Variants in UBE2H observed in about 807,000 individuals in gnomAD.
The protein encoded by UBE2H is ubiquitin conjugating enzyme E2 H.
A neutral mutation model predicts 29.0 loss-of-function variants in UBE2H; 3 were observed. The observed-to-expected ratio is 0.10, with a 90% CI of 0.05 to 0.27. UBE2H has a LOEUF of 0.27. Ranked by LOEUF, UBE2H falls within the 10% of genes least tolerant of loss-of-function variation. The probability of loss-of-function intolerance (pLI) is 1.00; values close to 1 mark genes in which losing one functional copy is unlikely to be tolerated. For synonymous variants in UBE2H, 69 were observed against 82.9 expected, an observed-to-expected ratio of 0.83 and a Z score of 0.91; for missense variants, 68 against 228.2, an observed-to-expected ratio of 0.30 and a Z score of 4.52.
At chr7:129,929,472 C>T (rs1384923782) in intron 1 of UBE2H, among the ~76,000 whole-genome samples, 1 of 152,040 alleles carries the variant, frequency 6.6e-6, no homozygotes, top group Non-Finnish European at 1.5e-5. Context: ...TTTTATGACA[C>T]ACCAAGAAAG....
intron 3 of UBE2H, among the ~76,000 whole-genome samples, chr7:129,864,635 T>C (rs1319987060): frequency 7.2e-6 from 1 of 139,026 alleles, no homozygotes; most frequent in Non-Finnish European, 1.5e-5. Flanking sequence ...CACTGCAGCC[T>C]CCACCTCACG....
chr7:129,925,475 T>C (rs1807247685), intron 1 of UBE2H, among the ~76,000 whole-genome samples: 1 of 152,120 alleles, frequency 6.6e-6, no homozygotes, highest in Non-Finnish European at 1.5e-5. Context: ...TGCTCCCAAA[T>C]ATGTAAATGA....
intron 5 of UBE2H, among the ~76,000 whole-genome samples, chr7:129,852,779 G>A (rs1161093504): frequency 2.6e-5 from 4 of 151,946 alleles, no homozygotes; most frequent in Admixed American, 2.0e-4. Context: ...AGGCTGGAGT[G>A]CAATGGTGCA....
At chr7:129,926,503 C>A (rs1329632070) in intron 1 of UBE2H, among the ~76,000 whole-genome samples, 1 of 145,544 alleles carries the variant, frequency 6.9e-6, no homozygotes, top group Non-Finnish European at 1.5e-5. Context: ...AGCTAAACTC[C>A]GTCTCAAAAA....
At chr7:129,910,857 G>C (rs1462676248) in intron 1 of UBE2H, among the ~76,000 whole-genome samples, 1 of 152,122 alleles carries the variant, frequency 6.6e-6, no homozygotes, top group Admixed American at 6.5e-5. Context: ...ACTCCAGCCT[G>C]GGTGACAGAG....
intron 1 of UBE2H, among the ~76,000 whole-genome samples, chr7:129,944,738 A>G (rs531919645): frequency 7.3e-6 from 1 of 136,628 alleles, no homozygotes; most frequent in South Asian, 2.5e-4. Context: ...ACACACACAC[A>G]CACACACACA....
At chr7:129,891,049 T>C (rs188816339) in intron 1 of UBE2H, among the ~76,000 whole-genome samples, 9,470 of 151,392 alleles carry the variant, frequency 0.063, 365 homozygotes, top group Non-Finnish European at 0.092. Context: ...GGCAGGAGAA[T>C]GGCTTGAACC....
intron 5 of UBE2H, among the ~76,000 whole-genome samples, chr7:129,851,838 C>T (rs909605535): frequency 6.6e-6 from 1 of 152,190 alleles, no homozygotes; most frequent in Non-Finnish European, 1.5e-5. Context: ...GAGCCACATA[C>T]ACCTCATCTG....
chr7:129,909,197 TA>T (rs1197166599), intron 1 of UBE2H, among the ~76,000 whole-genome samples: 1 of 152,022 alleles, frequency 6.6e-6, no homozygotes, highest in Non-Finnish European at 1.5e-5. Flanking sequence ...AAGAACTATG[TA>T]ATATAAGGAG....
chr7:129,933,670 G>C (rs1008233459), intron 1 of UBE2H, among the ~76,000 whole-genome samples: 6 of 152,190 alleles, frequency 3.9e-5, no homozygotes, highest in Non-Finnish European at 7.3e-5. Flanking sequence ...CCCCATCATT[G>C]GAGGAAGATT....
intron 1 of UBE2H, among the ~76,000 whole-genome samples, chr7:129,892,228 C>A (rs983791708): frequency 1.3e-5 from 2 of 150,816 alleles, no homozygotes; most frequent in Admixed American, 6.6e-5. Context: ...GGATTATAGG[C>A]ATGAGCCACC....
At position 129,839,290 on chromosome 7, in the gene UBE2H, T is replaced by C; in HGVS notation, c.344A>G (p.Tyr115Cys). The change falls in exon 6 of 7, where the codon TAT becomes TGT. Residue 115 changes from tyrosine (Y) to cysteine (C), a missense_variant. Tyr to Cys is a radical substitution (Grantham distance 194). Around this residue, in one of 3 missense-constraint regions of UBE2H, gnomAD observed 40 missense variants for 174.1 expected, o/e 0.23. Transcript: ENST00000355621. ...ATTGAGAGGATCTATGGGGTTAGGA[T>C]AGGCCAATAACTGAGGCAGGAAGGA... ...FESFLPQLLAYPNPIDPLNGD... is the reference protein window; with the variant it reads ...FESFLPQLLACPNPIDPLNGD... 1 of 1,613,958 alleles carries C rather than the reference T, an allele frequency of 6.2e-7. No homozygotes were observed.
At chr7:129,939,756 G>A (rs571563461) in intron 1 of UBE2H, among the ~76,000 whole-genome samples, 5 of 152,170 alleles carry the variant, frequency 3.3e-5, no homozygotes, top group African/African-American at 9.6e-5. Context: ...TCAGGAGTTT[G>A]AGACCAGCCT....
chr7:129,938,763 G>T (rs1312885464), intron 1 of UBE2H, among the ~76,000 whole-genome samples: 1 of 150,094 alleles, frequency 6.7e-6, no homozygotes, highest in Non-Finnish European at 1.5e-5. Flanking sequence ...ACAAGATTAT[G>T]TACTTGTAGG....
intron 1 of UBE2H, among the ~76,000 whole-genome samples, chr7:129,908,545 C>A (rs1433879256): frequency 6.6e-6 from 1 of 152,130 alleles, no homozygotes; most frequent in East Asian, 1.9e-4. Context: ...TTTATAGATG[C>A]CTATTTCACG....
chr7:129,855,641 G>A (rs911002290), intron 5 of UBE2H, among the ~76,000 whole-genome samples: 4 of 152,236 alleles, frequency 2.6e-5, no homozygotes, highest in African/African-American at 4.8e-5. Context: ...TATAGAGAGA[G>A]AGAGACGAGA....
chr7:129,861,828 C>T (rs1213291542), intron 3 of UBE2H, among the ~76,000 whole-genome samples: 2 of 152,094 alleles, frequency 1.3e-5, no homozygotes, highest in African/African-American at 4.8e-5. Flanking sequence ...GAGGTGGCTG[C>T]AGTGAGCCGA....
chr7:129,884,803 G>C (rs1405638230), intron 1 of UBE2H, among the ~76,000 whole-genome samples: 1 of 151,948 alleles, frequency 6.6e-6, no homozygotes. Context: ...TGCTGGTCTT[G>C]AACTCTTGGG....
intron 1 of UBE2H, among the ~76,000 whole-genome samples, chr7:129,903,319 C>T (rs550425945): frequency 8.1e-4 from 123 of 152,222 alleles, no homozygotes; most frequent in Non-Finnish European, 1.5e-3. Context: ...CAGAATGCAA[C>T]GACGGTTAAT....
Sources: allele counts gnomAD v4.1 joint callset (sites outside exome capture counted in the v4.1 genomes callset), GRCh38; gene constraint gnomAD v4.1.1; regional missense constraint gnomAD v4.1.1; transcripts MANE v1.5; gene names NCBI Gene and HGNC (gene_info 2026-07-23, HGNC 2026-07-21).